PSD3: variants seen among roughly 807,000 people sequenced by gnomAD.
PSD3 encodes PH and SEC7 domain-containing protein 3.
PSD3 carries 49 observed loss-of-function variants against 105.5 expected under a neutral mutation model. That is an observed-to-expected ratio of 0.46 (90% confidence interval 0.37 to 0.59). The LOEUF is 0.59. Among genes scored for constraint, PSD3 ranks in the 20% least tolerant of loss-of-function variants. The pLI is 0.00. For missense variants in PSD3, 1,561 were observed against 1,263.8 expected (o/e 1.24, Z -3.57); for synonymous variants, 557 against 457.8 (o/e 1.22, Z -2.77).
chr8:18,752,526 A>AT (rs1563225103), intron 9 of PSD3, among the ~76,000 whole-genome samples: 1 of 51,898 alleles, frequency 1.9e-5, no homozygotes, highest in African/African-American at 1.1e-4. Context: ...TGTAATATAT[A>AT]TAATTATATA....
At chr8:18,593,386 C>G (rs1015149521) in intron 12 of PSD3, among the ~76,000 whole-genome samples, 2 of 152,230 alleles carry the variant, frequency 1.3e-5, no homozygotes, top group Admixed American at 1.3e-4. Flanking sequence ...CTCATCATCA[C>G]TGGCCATCAC....
upstream of PSD3, among the ~76,000 whole-genome samples, chr8:19,017,505 T>C (rs1224264191): frequency 6.6e-6 from 1 of 152,212 alleles, no homozygotes; most frequent in African/African-American, 2.4e-5. Context: ...CAGTCAACTC[T>C]GGAAACTTTT....
At chr8:18,537,384 T>G (rs577499710) in intron 15 of PSD3, among the ~76,000 whole-genome samples, 1 of 152,206 alleles carries the variant, frequency 6.6e-6, no homozygotes, top group Non-Finnish European at 1.5e-5. Flanking sequence ...TCCATTGATA[T>G]GAAAATATAG....
At chr8:18,956,157 G>A (rs914797312) in intron 1 of PSD3, among the ~76,000 whole-genome samples, 1 of 152,218 alleles carries the variant, frequency 6.6e-6, no homozygotes, top group Non-Finnish European at 1.5e-5. Flanking sequence ...TATGATTTAA[G>A]GAAAGGCAGA....
chr8:18,687,425 A>C (rs1800719034), intron 9 of PSD3, among the ~76,000 whole-genome samples: 1 of 152,068 alleles, frequency 6.6e-6, no homozygotes. Flanking sequence ...GTGATCATAC[A>C]ACTGCACTCC....
chr8:18,670,569 T>C (rs1306210777), intron 9 of PSD3, among the ~76,000 whole-genome samples: 1 of 152,040 alleles, frequency 6.6e-6, no homozygotes, highest in African/African-American at 2.4e-5. Context: ...CTAAATTATA[T>C]GAGAAAGGTG....
intron 2 of PSD3, among the ~76,000 whole-genome samples, chr8:18,883,152 T>C (rs6991531): frequency 0.01 from 1,565 of 152,286 alleles, 17 homozygotes; most frequent in Middle Eastern, 0.027. Flanking sequence ...AGGATTTGTA[T>C]ACACGTTACA....
At chr8:18,966,553 A>G (rs993733148) in intron 1 of PSD3, among the ~76,000 whole-genome samples, 4 of 146,844 alleles carry the variant, frequency 2.7e-5, no homozygotes, top group African/African-American at 7.6e-5. Flanking sequence ...CCTGGGCAAC[A>G]GAGAGAGACT....
chr8:18,669,926 G>C (rs1414783539), intron 9 of PSD3, among the ~76,000 whole-genome samples: 1 of 152,142 alleles, frequency 6.6e-6, no homozygotes, highest in Non-Finnish European at 1.5e-5. Context: ...CATATATTCA[G>C]TTGAACAGTT....
chr8:18,926,877 C>T (rs924863084), intron 2 of PSD3, among the ~76,000 whole-genome samples: 5 of 152,208 alleles, frequency 3.3e-5, no homozygotes, highest in African/African-American at 7.2e-5. Flanking sequence ...ACCCCTAACC[C>T]CATGCCCTAA....
At chr8:18,667,423 G>C (rs972708000) in intron 9 of PSD3, among the ~76,000 whole-genome samples, 5 of 152,128 alleles carry the variant, frequency 3.3e-5, no homozygotes, top group African/African-American at 1.2e-4. Context: ...AGTGCCGATT[G>C]GTGTATTCCC....
chr8:19,057,024 G>C (rs1181714971), intron 1 of PSD3, among the ~76,000 whole-genome samples: 1 of 152,096 alleles, frequency 6.6e-6, no homozygotes, highest in Non-Finnish European at 1.5e-5. Flanking sequence ...TTTGCCTCTA[G>C]CTAGCTTTTG....
chr8:18,869,708 T>G (rs902823974), intron 3 of PSD3, among the ~76,000 whole-genome samples: 1 of 152,182 alleles, frequency 6.6e-6, no homozygotes, highest in Non-Finnish European at 1.5e-5. Context: ...CAGAAAAGCT[T>G]TGTCCAAGCC....
intron 1 of PSD3, among the ~76,000 whole-genome samples, chr8:19,028,523 C>T (rs1355644433): frequency 6.6e-6 from 1 of 151,974 alleles, no homozygotes; most frequent in African/African-American, 2.4e-5. Flanking sequence ...GCCCAACTCC[C>T]ATTTTTTAAG....
chr8:19,053,265 G>A (rs933667263), intron 1 of PSD3, among the ~76,000 whole-genome samples: 8 of 152,082 alleles, frequency 5.3e-5, no homozygotes, highest in African/African-American at 1.9e-4. Flanking sequence ...GGGGATGTGT[G>A]GTGGCTCTGG....
chr8:18,749,519 C>T (rs1450013509), intron 9 of PSD3, among the ~76,000 whole-genome samples: 1 of 152,194 alleles, frequency 6.6e-6, no homozygotes, highest in East Asian at 1.9e-4. Context: ...CATCTAGCCA[C>T]TGCTAAGAAG....
intron 8 of PSD3, among the ~76,000 whole-genome samples, chr8:18,783,796 C>A (rs1808866301): frequency 6.6e-6 from 1 of 152,076 alleles, no homozygotes; most frequent in Non-Finnish European, 1.5e-5. Context: ...CCATGCCTGG[C>A]AAATTTTTTG....
chr8:18,560,193 CA>C (rs1211754832), intron 14 of PSD3, among the ~76,000 whole-genome samples: 2 of 151,402 alleles, frequency 1.3e-5, no homozygotes, highest in African/African-American at 4.9e-5. Flanking sequence ...CACACACACA[CA>C]CACACACACA....
intron 8 of PSD3, among the ~76,000 whole-genome samples, chr8:18,792,908 G>A (rs911062983): frequency 5.3e-5 from 8 of 152,120 alleles, no homozygotes; most frequent in Non-Finnish European, 7.4e-5. Flanking sequence ...TCACAATAGC[G>A]AAGACTTGGA....
Sources: gnomAD v4.1 joint callset for allele counts (sites outside exome capture counted in the v4.1 genomes callset) on GRCh38, gnomAD v4.1.1 for gene constraint, MANE v1.5 for transcripts, NCBI Gene and HGNC (gene_info 2026-07-23, HGNC 2026-07-21) for gene names.